Variants in SLC71A2 observed in about 807,000 individuals in gnomAD.
The protein encoded by SLC71A2 is hippocampus abundant transcript-like 1.
chr9:94,456,771 GAGT>G, the SLC71A2 span, among the ~76,000 whole-genome samples: 1 of 152,092 alleles, frequency 6.6e-6, no homozygotes, highest in Non-Finnish European at 1.5e-5. Context: ...AATAGTTTGA[GAGT>G]AGTAAGAAAA....
chr9:94,444,298 CTG>C, the SLC71A2 span, among the ~76,000 whole-genome samples: 1 of 152,168 alleles, frequency 6.6e-6, no homozygotes, highest in Non-Finnish European at 1.5e-5. Flanking sequence ...TTAGCTGGCT[CTG>C]TGGTCTCTAT....
chr9:94,427,333 T>C, the SLC71A2 span, among the ~76,000 whole-genome samples: 1 of 152,108 alleles, frequency 6.6e-6, no homozygotes, highest in South Asian at 2.1e-4. Context: ...TTTAAAAGCA[T>C]GGATTGAACA....
chr9:94,425,197 G>T, the SLC71A2 span, among the ~76,000 whole-genome samples: 4 of 152,130 alleles, frequency 2.6e-5, no homozygotes, highest in Non-Finnish European at 4.4e-5. Context: ...CCAGCTACTC[G>T]GGAGGTTGAG....
chr9:94,390,198 A>G, the SLC71A2 span, among the ~76,000 whole-genome samples: 2 of 151,890 alleles, frequency 1.3e-5, no homozygotes, highest in African/African-American at 2.4e-5. Context: ...TGGGCAACAG[A>G]GCAAGACTCC....
At chr9:94,443,500 G>T in the SLC71A2 span, among the ~76,000 whole-genome samples, 1 of 151,990 alleles carries the variant, frequency 6.6e-6, no homozygotes, top group African/African-American at 2.4e-5. Context: ...TTCTTTCAGG[G>T]CTACGGCAAT....
At chr9:94,460,777 T>G in the SLC71A2 span, 5 of 152,538 alleles carry the variant, frequency 3.3e-5, no homozygotes, top group Non-Finnish European at 7.4e-5. Flanking sequence ...TTATAAAGGA[T>G]TGTGTACTGA....
chr9:94,400,363 A>G, the SLC71A2 span, among the ~76,000 whole-genome samples: 1 of 151,836 alleles, frequency 6.6e-6, no homozygotes, highest in Admixed American at 6.6e-5. Flanking sequence ...TGAGGAAAGA[A>G]CTCATTGGAG....
chr9:94,389,465 G>C, the SLC71A2 span, among the ~76,000 whole-genome samples: 15 of 151,326 alleles, frequency 9.9e-5, no homozygotes, highest in Non-Finnish European at 2.1e-4. Context: ...TTTCAGTAGG[G>C]ACGAGGCTTC....
At chr9:94,412,285 AT>A in the SLC71A2 span, among the ~76,000 whole-genome samples, 1 of 152,188 alleles carries the variant, frequency 6.6e-6, no homozygotes, top group East Asian at 1.9e-4. Flanking sequence ...AGCTTTTTAT[AT>A]GTTAGAGATA....
chr9:94,396,902 C>T, the SLC71A2 span, among the ~76,000 whole-genome samples: 1 of 152,150 alleles, frequency 6.6e-6, no homozygotes, highest in African/African-American at 2.4e-5. Flanking sequence ...TCCCAAGTAG[C>T]CAGGATTACA....
At chr9:94,415,089 C>T in the SLC71A2 span, 2 of 1,178,580 alleles carry the variant, frequency 1.7e-6, no homozygotes, top group African/African-American at 3.1e-5. Flanking sequence ...ACATTTTTTT[C>T]TATACCATTT....
At chr9:94,439,022 G>GTTTTTTT in the SLC71A2 span, among the ~76,000 whole-genome samples, 17,697 of 114,778 alleles carry the variant, frequency 0.15, 1,989 homozygotes, top group African/African-American at 0.19. Flanking sequence ...ATTTGAGTTC[G>GTTTTTTT]TTTTTTTTTT....
At chr9:94,449,555 G>A in the SLC71A2 span, among the ~76,000 whole-genome samples, 1 of 152,200 alleles carries the variant, frequency 6.6e-6, no homozygotes, top group African/African-American at 2.4e-5. Flanking sequence ...CATTTCACAT[G>A]TTCTAGGATG....
chr9:94,412,175 C>T, the SLC71A2 span, among the ~76,000 whole-genome samples: 1 of 152,158 alleles, frequency 6.6e-6, no homozygotes, highest in South Asian at 2.1e-4. Flanking sequence ...TTTCTTAATA[C>T]AAGTGAGGCT....
At chr9:94,418,508 T>C in the SLC71A2 span, among the ~76,000 whole-genome samples, 9 of 152,264 alleles carry the variant, frequency 5.9e-5, no homozygotes, top group African/African-American at 2.2e-4. Flanking sequence ...AGTGGCATGA[T>C]CTCGGCTCAC....
chr9:94,441,658 G>C, the SLC71A2 span, among the ~76,000 whole-genome samples: 1 of 152,210 alleles, frequency 6.6e-6, no homozygotes, highest in South Asian at 2.1e-4. Context: ...ACCTAATTTG[G>C]AGAGGTGCTG....
At chr9:94,407,730 C>T in the SLC71A2 span, among the ~76,000 whole-genome samples, 1 of 151,898 alleles carries the variant, frequency 6.6e-6, no homozygotes, top group Non-Finnish European at 1.5e-5. Context: ...TGGCAGTACT[C>T]CCTGATCTGT....
At chr9:94,453,866 T>C in the SLC71A2 span, 1 of 839,390 alleles carries the variant, frequency 1.2e-6, no homozygotes, top group Non-Finnish European at 2.0e-6. Flanking sequence ...TAGAGGTCTC[T>C]GGTCATCAGG....
chr9:94,389,873 G>T, the SLC71A2 span, among the ~76,000 whole-genome samples: 1 of 151,754 alleles, frequency 6.6e-6, no homozygotes, highest in Non-Finnish European at 1.5e-5. Context: ...CTCCCAAAGT[G>T]CTGGGATTAC....
Sources: allele counts gnomAD v4.1 joint callset (sites outside exome capture counted in the v4.1 genomes callset), GRCh38; gene constraint gnomAD v4.1.1; transcripts MANE v1.5; gene names NCBI Gene and HGNC (gene_info 2026-07-23, HGNC 2026-07-21).